UVRAG: variants seen among roughly 807,000 people sequenced by gnomAD.
UVRAG encodes the protein UV radiation resistance-associated gene protein.
Under a neutral mutation model 78.0 loss-of-function variants are expected in UVRAG, and 19 were observed. That is an observed-to-expected ratio of 0.24 (90% confidence interval 0.17 to 0.36). The LOEUF is 0.36. UVRAG is among the 10% of genes least tolerant of loss of function. UVRAG has a pLI of 1.00. For synonymous variants in UVRAG, 323 were observed against 324.6 expected, an observed-to-expected ratio of 1.00 and a Z score of 0.05; for missense variants, 740 against 853.8, an observed-to-expected ratio of 0.87 and a Z score of 1.66.
chr11:75,930,569 ATACT>A (rs1405666622), intron 6 of UVRAG, among the ~76,000 whole-genome samples: 2 of 152,238 alleles, frequency 1.3e-5, no homozygotes, highest in Non-Finnish European at 2.9e-5. Flanking sequence ...AGAAAAAAAT[ATACT>A]TACTCAAAAT....
At chr11:75,961,585 G>C (rs1948911958) in intron 7 of UVRAG, 36 bp downstream of exon 7, 1 of 1,488,116 alleles carries the variant, frequency 6.7e-7, no homozygotes, top group African/African-American at 1.4e-5. Context: ...TACACTTCTT[G>C]TTTTCTAAAG....
intron 8 of UVRAG, among the ~76,000 whole-genome samples, chr11:75,988,504 C>G (rs554857822): frequency 6.6e-6 from 1 of 152,228 alleles, no homozygotes; most frequent in South Asian, 2.1e-4. Context: ...TATACATTTA[C>G]CTGTTAATGG....
intron 2 of UVRAG, among the ~76,000 whole-genome samples, chr11:75,853,193 A>G (rs756641400): frequency 1.1e-4 from 17 of 151,646 alleles, no homozygotes; most frequent in Non-Finnish European, 2.4e-4. Context: ...GATTATAGGT[A>G]TGAGCCACTG....
At chr11:75,828,874 G>A (rs754987220) in intron 1 of UVRAG, among the ~76,000 whole-genome samples, 9 of 144,540 alleles carry the variant, frequency 6.2e-5, no homozygotes, top group Admixed American at 5.8e-4. Context: ...GCGCCACCAT[G>A]TCTGACTAAT....
chr11:75,929,332 G>T (rs920383082), intron 6 of UVRAG, among the ~76,000 whole-genome samples: 2 of 152,166 alleles, frequency 1.3e-5, no homozygotes, highest in African/African-American at 4.8e-5. Context: ...AGTAGACCTT[G>T]TGTTACTCTG....
At chr11:75,912,971 T>G (rs1447760516) in intron 6 of UVRAG, among the ~76,000 whole-genome samples, 1 of 152,252 alleles carries the variant, frequency 6.6e-6, no homozygotes, top group Non-Finnish European at 1.5e-5. Context: ...TTTTGGTTCT[T>G]GCTTGAGAGA....
intron 1 of UVRAG, among the ~76,000 whole-genome samples, chr11:75,829,683 C>T (rs912548088): frequency 3.3e-5 from 5 of 152,178 alleles, no homozygotes; most frequent in African/African-American, 1.2e-4. Flanking sequence ...TCTGTCTCAG[C>T]GGGCCTTCTA....
At chr11:75,878,069 C>T (rs1398615831) in intron 3 of UVRAG, among the ~76,000 whole-genome samples, 2 of 138,608 alleles carry the variant, frequency 1.4e-5, no homozygotes, top group African/African-American at 2.8e-5. Context: ...CCAGACGGGG[C>T]GGCTGCCGGG....
At position 76,136,309 on chromosome 11, in the gene UVRAG, A is replaced by G. The variant is rs752929002; in HGVS notation, c.1398-4402A>G. Among the ~76,000 whole-genome samples, 48 of 152,168 alleles carry G rather than the reference A, an allele frequency of 3.2e-4. 1 individual carries two copies. The highest frequency in any genetic ancestry group is 6.3e-4 in the Non-Finnish European group (43 of 68,026). Reference sequence around the variant, plus strand: ...TGTTTTTATACGAGATGCTCACAGCAGTTTGTTTTTTAATAGCAAAGGTTC... The same window carrying G: ...TGTTTTTATACGAGATGCTCACAGCGGTTTGTTTTTTAATAGCAAAGGTTC... On this transcript the variant is annotated intron_variant, in intron 14 of 14. Transcript: ENST00000356136.
At position 76,100,473 on chromosome 11, in the gene UVRAG, G is replaced by C. The variant is rs150681234; in HGVS notation, c.1306-15451G>C. Among the ~76,000 whole-genome samples, 77 of 152,210 alleles carry C rather than the reference G, an allele frequency of 5.1e-4. No individual in the cohort carries two copies. In the East Asian group the frequency reaches 0.013, roughly 26 times the overall value. On this transcript the variant is annotated intron_variant, in intron 13 of 14. Coordinates refer to ENST00000356136, the MANE Select transcript of UVRAG (RefSeq NM_003369.4). Reference sequence around the variant, plus strand: ...ATCTAAATATTACCTGTCCATCAGTGAACTGCTTAGGCCATGTTCTCCCCA... The same window carrying C: ...ATCTAAATATTACCTGTCCATCAGTCAACTGCTTAGGCCATGTTCTCCCCA...
chr11:76,140,972 C>T lies in UVRAG; in HGVS notation c.1659C>T (p.Thr553=), dbSNP rs1433285204. The change falls in exon 15 of 15, where the codon ACC becomes ACT. Residue 553 remains threonine, a synonymous_variant. Transcript: ENST00000356136. ...KITSLSSSLD[T]SLDFSKENKK... The stretch of plus-strand genomic sequence containing the variant: ...CATCTCTATCCTCCTCCTTGGATAC[C>T]TCCTTGGACTTCTCCAAAGAAAACA... The T allele has an allele frequency of 4.3e-6, 7 of 1,614,004 alleles. No individual in the cohort carries two copies. The highest frequency in any genetic ancestry group is 4.0e-5 in the African/African-American group (3 of 74,888).
intron 13 of UVRAG, among the ~76,000 whole-genome samples, chr11:76,114,997 GA>G (rs1465555408): frequency 6.6e-6 from 1 of 152,146 alleles, no homozygotes; most frequent in African/African-American, 2.4e-5. Context: ...TATGTCATTT[GA>G]AAAACACATT....
At chr11:75,990,983 A>G (rs1351665733) in intron 8 of UVRAG, among the ~76,000 whole-genome samples, 1 of 152,202 alleles carries the variant, frequency 6.6e-6, no homozygotes. Flanking sequence ...AGACTTCTCT[A>G]ACTTCTAGTT....
intron 11 of UVRAG, among the ~76,000 whole-genome samples, chr11:76,014,630 A>G (rs1361829867): frequency 1.3e-5 from 2 of 152,320 alleles, no homozygotes; most frequent in African/African-American, 4.8e-5. Context: ...ACACCTGTAT[A>G]GGTATTCTGG....
intron 3 of UVRAG, among the ~76,000 whole-genome samples, chr11:75,870,524 T>C (rs1225329514): frequency 6.6e-6 from 1 of 152,226 alleles, no homozygotes; most frequent in Non-Finnish European, 1.5e-5. Context: ...TTTATCACTC[T>C]AATAGTAATA....
chr11:75,847,705 C>G (rs7948526), intron 1 of UVRAG, among the ~76,000 whole-genome samples: 1 of 152,174 alleles, frequency 6.6e-6, no homozygotes, highest in East Asian at 1.9e-4. Flanking sequence ...GGCACGGTGG[C>G]TCACGCCTGT....
At chr11:76,114,716 G>A (rs564728365) in intron 13 of UVRAG, among the ~76,000 whole-genome samples, 4 of 152,246 alleles carry the variant, frequency 2.6e-5, no homozygotes, top group Admixed American at 6.5e-5. Flanking sequence ...CTCAAGCAGA[G>A]AAAAATCAGT....
intron 8 of UVRAG, among the ~76,000 whole-genome samples, chr11:75,990,223 T>A (rs577114048): frequency 6.6e-6 from 1 of 152,304 alleles, no homozygotes; most frequent in East Asian, 1.9e-4. Flanking sequence ...CAGGCTTTGA[T>A]TCAGAATGCC....
chr11:75,897,871 A>ATTTTTTTTTTTTTTTTTTTTTTTT (rs146122619), intron 5 of UVRAG, among the ~76,000 whole-genome samples: 2 of 108,898 alleles, frequency 1.8e-5, no homozygotes, highest in East Asian at 2.9e-4. Context: ...TAGCTCTTTA[A>ATTTTTTTTTTTTTTTTTTTTTTTT]TTTTTTTTTT....
Sources: gnomAD v4.1 joint callset for allele counts (sites outside exome capture counted in the v4.1 genomes callset) on GRCh38, gnomAD v4.1.1 for gene constraint, MANE v1.5 for transcripts, NCBI Gene and HGNC (gene_info 2026-07-23, HGNC 2026-07-21) for gene names.